Variants in RNF180 observed in about 807,000 individuals in gnomAD.
RNF180 encodes E3 ubiquitin-protein ligase RNF180.
Under a neutral mutation model 59.2 loss-of-function variants are expected in RNF180, and 38 were observed. The ratio of observed to expected loss-of-function variants is 0.64; its 90% CI spans 0.50 to 0.84. RNF180 has a LOEUF of 0.84. RNF180 is among the 40% of genes least tolerant of loss of function. RNF180 has a pLI of 0.00. For synonymous variants in RNF180, 262 were observed against 240.3 expected (o/e 1.09, Z -0.84); for missense variants, 705 against 700.9 (o/e 1.01, Z -0.07).
chr5:64,176,877 T>C (rs899434558), intron 1 of RNF180, among the ~76,000 whole-genome samples: 9 of 152,146 alleles, frequency 5.9e-5, no homozygotes, highest in Admixed American at 3.9e-4. Context: ...AAATGTATCC[T>C]AGAGGCCAAA....
chr5:64,184,157 C>G (rs1750756731), intron 1 of RNF180, among the ~76,000 whole-genome samples: 1 of 152,176 alleles, frequency 6.6e-6, no homozygotes, highest in African/African-American at 2.4e-5. Context: ...AGAGAGGTCA[C>G]AGAAGAAACC....
At chr5:64,233,770 T>C (rs1742238925) in intron 5 of RNF180, among the ~76,000 whole-genome samples, 1 of 152,178 alleles carries the variant, frequency 6.6e-6, no homozygotes, top group South Asian at 2.1e-4. Flanking sequence ...GCGAGGTCCA[T>C]TTAAAAGAAA....
At chr5:64,252,503 A>G (rs1283701929) in intron 5 of RNF180, among the ~76,000 whole-genome samples, 6 of 152,186 alleles carry the variant, frequency 3.9e-5, no homozygotes, top group Non-Finnish European at 5.9e-5. Context: ...GTCATTTCAT[A>G]ATTATATATA....
intron 1 of RNF180, among the ~76,000 whole-genome samples, chr5:64,176,418 C>T (rs573882927): frequency 2.0e-4 from 31 of 151,896 alleles, no homozygotes; most frequent in Non-Finnish European, 3.4e-4. Context: ...TTGTGCTTAT[C>T]TTTTGTATTG....
intron 5 of RNF180, among the ~76,000 whole-genome samples, chr5:64,240,075 A>T (rs2112232753): frequency 6.6e-6 from 1 of 152,294 alleles, no homozygotes; most frequent in Non-Finnish European, 1.5e-5. Context: ...TAACTGAGGA[A>T]CCAAATAGAT....
intron 5 of RNF180, among the ~76,000 whole-genome samples, chr5:64,218,257 T>A (rs941048451): frequency 6.6e-6 from 1 of 152,212 alleles, no homozygotes; most frequent in Non-Finnish European, 1.5e-5. Context: ...TTTTAAGTTT[T>A]ACATAAAATT....
At chr5:64,219,236 A>C (rs929583878) in intron 5 of RNF180, among the ~76,000 whole-genome samples, 6 of 152,016 alleles carry the variant, frequency 3.9e-5, no homozygotes, top group African/African-American at 1.5e-4. Context: ...TGATATGATC[A>C]TGTGTTTTCA....
intron 5 of RNF180, among the ~76,000 whole-genome samples, chr5:64,287,094 G>A (rs543018292): frequency 6.6e-6 from 1 of 152,222 alleles, no homozygotes; most frequent in Admixed American, 6.5e-5. Flanking sequence ...AGCCTCCCGA[G>A]TAGCTAGAAT....
At chr5:64,360,539 T>G (rs1304967510) in intron 7 of RNF180, among the ~76,000 whole-genome samples, 2 of 151,586 alleles carry the variant, frequency 1.3e-5, no homozygotes, top group Admixed American at 1.3e-4. Context: ...TTCAACATAG[T>G]GTTGGAAGTT....
intron 5 of RNF180, among the ~76,000 whole-genome samples, chr5:64,295,451 A>C (rs1011330778): frequency 6.6e-6 from 1 of 152,178 alleles, no homozygotes; most frequent in Admixed American, 6.5e-5. Context: ...AAGATAAATT[A>C]TTCTCCTTTC....
At chr5:64,325,165 A>G in intron 5 of RNF180, 21 bp from the exon 6 acceptor site, 1 of 1,473,202 alleles carries the variant, frequency 6.8e-7, no homozygotes, top group South Asian at 1.2e-5. Context: ...ATTAAGAAAA[A>G]AGTTTTCTTA....
intron 1 of RNF180, among the ~76,000 whole-genome samples, chr5:64,173,650 T>G (rs1750066307): frequency 1.3e-5 from 2 of 151,460 alleles, no homozygotes; most frequent in Admixed American, 1.3e-4. Flanking sequence ...CCCTTTTCCC[T>G]CTCTCCCCTT....
At chr5:64,354,688 C>A (rs1345569696) in intron 7 of RNF180, among the ~76,000 whole-genome samples, 1 of 151,716 alleles carries the variant, frequency 6.6e-6, no homozygotes, top group Non-Finnish European at 1.5e-5. Flanking sequence ...TGCAAAAATT[C>A]TCTGCAAAAT....
intron 2 of RNF180, among the ~76,000 whole-genome samples, chr5:64,209,912 G>A (rs1031706632): frequency 3.3e-5 from 5 of 151,868 alleles, no homozygotes; most frequent in African/African-American, 9.7e-5. Context: ...TTGTTTCTGG[G>A]GCAAAATAGA....
intron 5 of RNF180, among the ~76,000 whole-genome samples, chr5:64,292,431 T>G (rs1281484091): frequency 3.9e-5 from 6 of 152,208 alleles, no homozygotes; most frequent in Non-Finnish European, 8.8e-5. Context: ...TGCGTTGGTT[T>G]TCCGCTTACC....
chr5:64,334,116 C>T (rs1245514488), intron 7 of RNF180, among the ~76,000 whole-genome samples: 1 of 152,096 alleles, frequency 6.6e-6, no homozygotes, highest in East Asian at 1.9e-4. Flanking sequence ...CAAAAGGCTC[C>T]AGCAGTTTTT....
intron 7 of RNF180, among the ~76,000 whole-genome samples, chr5:64,344,615 G>A (rs996159854): frequency 3.3e-5 from 5 of 152,072 alleles, no homozygotes; most frequent in Non-Finnish European, 7.4e-5. Context: ...TGTGTTATTA[G>A]CAGCGGTCTC....
intron 5 of RNF180, among the ~76,000 whole-genome samples, chr5:64,267,504 C>G (rs1222483961): frequency 1.3e-5 from 2 of 151,106 alleles, no homozygotes; most frequent in African/African-American, 2.4e-5. Flanking sequence ...CCTCCCCACT[C>G]CCCCCACCCC....
chr5:64,337,381 T>G (rs1443625956), intron 7 of RNF180, among the ~76,000 whole-genome samples: 1 of 152,204 alleles, frequency 6.6e-6, no homozygotes, highest in Non-Finnish European at 1.5e-5. Flanking sequence ...TCCCCTTATA[T>G]TTTGTTAAAG....
Sources: gnomAD v4.1 joint callset for allele counts (sites outside exome capture counted in the v4.1 genomes callset) on GRCh38, gnomAD v4.1.1 for gene constraint, MANE v1.5 for transcripts, NCBI Gene and HGNC (gene_info 2026-07-23, HGNC 2026-07-21) for gene names.